The following SSBP2 variants were observed in gnomAD, a reference collection of about 807,000 sequenced individuals.
SSBP2 encodes single stranded DNA binding protein 2.
In SSBP2, 17 loss-of-function variants were observed where a neutral mutation model predicts 61.8. That is an observed-to-expected ratio of 0.28 (90% CI 0.19 to 0.41). The LOEUF (loss-of-function observed/expected upper bound fraction) is 0.41, where lower values mean the gene tolerates loss of function less well. SSBP2 is among the 10% of genes least tolerant of loss of function. SSBP2 has a pLI of 1.00. For missense variants in SSBP2, 310 were observed against 458.7 expected (o/e 0.68, Z 2.96); for synonymous variants, 139 against 141.3 (o/e 0.98, Z 0.12).
At chr5:81,663,162 G>A (rs1439825944) in intron 1 of SSBP2, among the ~76,000 whole-genome samples, 2 of 152,164 alleles carry the variant, frequency 1.3e-5, no homozygotes, top group Non-Finnish European at 2.9e-5. Context: ...TTAAAGGTAA[G>A]TTTTCTAAGA....
chr5:81,603,222 G>A (rs917638407), intron 4 of SSBP2, among the ~76,000 whole-genome samples: 3 of 152,176 alleles, frequency 2.0e-5, no homozygotes, highest in African/African-American at 7.2e-5. Flanking sequence ...GACGCAAACT[G>A]CCAGGGGTTT....
intron 1 of SSBP2, among the ~76,000 whole-genome samples, chr5:81,748,170 T>C (rs982431976): frequency 6.6e-6 from 1 of 152,212 alleles, no homozygotes; most frequent in Non-Finnish European, 1.5e-5. Context: ...ATAAAACCAA[T>C]GTGCTTATTT....
intron 4 of SSBP2, among the ~76,000 whole-genome samples, chr5:81,520,977 C>T (rs1020535370): frequency 1.3e-5 from 2 of 152,022 alleles, no homozygotes; most frequent in African/African-American, 4.8e-5. Context: ...ATATTGCAAG[C>T]TCAGCTTTCC....
chr5:81,709,240 G>A (rs1255754203), intron 1 of SSBP2, among the ~76,000 whole-genome samples: 1 of 151,820 alleles, frequency 6.6e-6, no homozygotes, highest in Admixed American at 6.6e-5. Flanking sequence ...TTCATTTCTA[G>A]AATTTAAAAA....
intron 1 of SSBP2, among the ~76,000 whole-genome samples, chr5:81,656,965 A>G (rs1750281626): frequency 6.6e-6 from 1 of 152,166 alleles, no homozygotes. Context: ...GAAATATTGT[A>G]TGTACATACA....
At chr5:81,633,123 T>C (rs1379902051) in intron 3 of SSBP2, among the ~76,000 whole-genome samples, 2 of 140,416 alleles carry the variant, frequency 1.4e-5, no homozygotes, top group East Asian at 4.1e-4. Flanking sequence ...TTTTTTTTTT[T>C]TTTTTTTTTT....
Position 81,686,866 on chromosome 5 carries a change from AAAAAAAGAAAAGAAAAGAAAAG to A in SSBP2, c.63-36549_63-36528del, listed in dbSNP as rs1358227076. On this transcript the variant is annotated intron_variant, in intron 1 of 16. Coordinates refer to ENST00000320672, the MANE Select transcript of SSBP2 (RefSeq NM_012446.5). ...CGAGACTTCATCTCAAAAAAAAAAA[AAAAAAAGAAAAGAAAAGAAAAG>A]AAAAGAAAAGAAAAGAAAAGAAAAG... Among the ~76,000 whole-genome samples the A allele has an allele frequency of 1.1e-3, 139 of 125,998 alleles. 1 individual carries two copies. Among genetic ancestry groups the A allele is most frequent in the African/African-American group, 4.4e-3 (133 of 30,534 alleles). The allele number at this position is 125,998 out of a possible 152,430, so 82.7% of individuals were successfully genotyped here. A position where few individuals can be genotyped will look rare whatever the true frequency, so the allele number is the denominator to read the frequency against.
rs765732004 is a variant in SSBP2 at position 81,414,843 on chromosome 5, T to C, written c.*5661A>G. 1 of 152,242 alleles carries C rather than the reference T, an allele frequency of 6.6e-6. No homozygotes were observed. Among genetic ancestry groups the C allele is most frequent in the Non-Finnish European group, 1.5e-5 (1 of 68,044 alleles). 9.4% of individuals were successfully genotyped at this position (152,242 alleles called of 1,614,324 possible). On this transcript the variant is annotated 3_prime_UTR_variant, in exon 17 of 17. Transcript: ENST00000320672. ...GAAAAGTAGTCAAAGGAAATAATTATGTTTAATCATTATTGGTTGTGCTAT... is the reference window on the plus strand; with the variant it reads ...GAAAAGTAGTCAAAGGAAATAATTACGTTTAATCATTATTGGTTGTGCTAT...
chr5:81,483,270 C>T (rs923862110), intron 6 of SSBP2, among the ~76,000 whole-genome samples: 4 of 152,038 alleles, frequency 2.6e-5, no homozygotes, highest in African/African-American at 9.7e-5. Flanking sequence ...TACTGACTTG[C>T]TCAATGCAGG....
At chr5:81,518,234 G>T (rs1159249400) in intron 4 of SSBP2, among the ~76,000 whole-genome samples, 1 of 152,180 alleles carries the variant, frequency 6.6e-6, no homozygotes, top group East Asian at 1.9e-4. Flanking sequence ...AGGGAAGGGT[G>T]AGTAGGAAGA....
chr5:81,737,371 G>C (rs970531443), intron 1 of SSBP2, among the ~76,000 whole-genome samples: 15 of 150,670 alleles, frequency 1.0e-4, no homozygotes, highest in African/African-American at 3.7e-4. Context: ...AGTGAAGGCT[G>C]TCCACATTTG....
In SSBP2 at chr5:81,437,446, A is replaced by G. The variant is rs565197060; in HGVS notation, c.941T>C (p.Met314Thr). 1.9e-6 allele frequency: 3 copies of G among 1,606,986 alleles called. No individual in the cohort carries two copies. The highest frequency in any genetic ancestry group is 2.2e-5 in the East Asian group (1 of 44,556). The change falls in exon 15 of 17, where the codon ATG becomes ACG. Residue 314 changes from methionine to threonine, a missense_variant. Around this residue, in one of 4 missense-constraint regions of SSBP2, gnomAD observed 44 missense variants for 86.2 expected, o/e 0.51. Transcript: ENST00000320672. The stretch of plus-strand genomic sequence containing the variant: ...AGCACTCACCTTGGAAATACTGTCC[A>G]TATCTCCTGAGCCTGAAACAAAATA...
At chr5:81,533,414 CAGAAAAGGAAATGTA>C in intron 4 of SSBP2, among the ~76,000 whole-genome samples, 1 of 151,584 alleles carries the variant, frequency 6.6e-6, no homozygotes, top group East Asian at 2.0e-4. Context: ...ACAGTAAAAC[CAGAAAAGGAAATGTA>C]AGAAAAGAAA....
At chr5:81,518,442 C>A (rs1769207794) in intron 4 of SSBP2, among the ~76,000 whole-genome samples, 1 of 151,962 alleles carries the variant, frequency 6.6e-6, no homozygotes, top group Non-Finnish European at 1.5e-5. Flanking sequence ...AAAGGGCTTG[C>A]TTGATGGAAG....
chr5:81,549,194 C>A (rs1273452491), intron 4 of SSBP2, among the ~76,000 whole-genome samples: 1 of 152,020 alleles, frequency 6.6e-6, no homozygotes, highest in Non-Finnish European at 1.5e-5. Flanking sequence ...CAATCACTAC[C>A]ACACCTTAAC....
At chr5:81,597,716 G>T (rs926408816) in intron 4 of SSBP2, among the ~76,000 whole-genome samples, 1 of 152,014 alleles carries the variant, frequency 6.6e-6, no homozygotes, top group African/African-American at 2.4e-5. Context: ...TAGGGACATG[G>T]ATGAAACTGG....
At chr5:81,637,320 G>T (rs143414863) in intron 2 of SSBP2, among the ~76,000 whole-genome samples, 2 of 152,126 alleles carry the variant, frequency 1.3e-5, no homozygotes, top group Non-Finnish European at 2.9e-5. Context: ...CTTCCTTTTG[G>T]TGCCTCAGCC....
At chr5:81,658,426 C>A (rs1750413112) in intron 1 of SSBP2, among the ~76,000 whole-genome samples, 1 of 152,052 alleles carries the variant, frequency 6.6e-6, no homozygotes, top group Non-Finnish European at 1.5e-5. Context: ...ATGCTCAAGT[C>A]CCTTATACAA....
At chr5:81,630,420 G>A (rs980134065) in intron 3 of SSBP2, among the ~76,000 whole-genome samples, 17 of 152,306 alleles carry the variant, frequency 1.1e-4, no homozygotes, top group African/African-American at 3.8e-4. Context: ...GCTCTCATCA[G>A]TTCTCAGAGG....
Sources: gnomAD v4.1 joint callset for allele counts (sites outside exome capture counted in the v4.1 genomes callset) on GRCh38, gnomAD v4.1.1 for gene constraint, gnomAD v4.1.1 regional missense constraint, MANE v1.5 for transcripts, NCBI Gene and HGNC (gene_info 2026-07-23, HGNC 2026-07-21) for gene names.